The following GALNT9 variants were observed in gnomAD, a reference collection of about 807,000 sequenced individuals.
The protein encoded by GALNT9 is GalNAc transferase 9.
GALNT9 carries 47 observed loss-of-function variants against 63.1 expected under a neutral mutation model. That is an observed-to-expected ratio of 0.75 (90% CI 0.59 to 0.95). The LOEUF (loss-of-function observed/expected upper bound fraction) is 0.95, where lower values mean the gene tolerates loss of function less well. GALNT9 is among the 40% of genes least tolerant of loss of function. The pLI is 0.00. For missense variants in GALNT9, 829 were observed against 874.8 expected, an observed-to-expected ratio of 0.95 and a Z score of 0.66; for synonymous variants, 396 against 365.7, an observed-to-expected ratio of 1.08 and a Z score of -0.94.
intron 6 of GALNT9, among the ~76,000 whole-genome samples, chr12:132,209,455 C>T (rs984720228): frequency 2.6e-5 from 4 of 152,090 alleles, no homozygotes; most frequent in Admixed American, 6.5e-5. Flanking sequence ...GAGGCTGAGG[C>T]AGGAGAATTG....
chr12:132,328,581 G>A (rs1220412738), intron 1 of GALNT9, among the ~76,000 whole-genome samples: 1 of 152,144 alleles, frequency 6.6e-6, no homozygotes, highest in African/African-American at 2.4e-5. Flanking sequence ...AGGGGTCGGC[G>A]CAGCCTAAAC....
chr12:132,307,339 A>G (rs1881650658), intron 1 of GALNT9, among the ~76,000 whole-genome samples: 2 of 152,186 alleles, frequency 1.3e-5, no homozygotes, highest in African/African-American at 2.4e-5. Flanking sequence ...GGGTCTATCT[A>G]GATCTGTTCA....
Position 132,247,901 on chromosome 12 carries a change from C to T in GALNT9, c.1077+9G>A, listed in dbSNP as rs782439023. On this transcript the variant is annotated intron_variant, in intron 6 of 10. Coordinates refer to ENST00000328957, the MANE Select transcript of GALNT9 (RefSeq NM_001122636.2). ...TCACCCTGTCCCTGGACACCGGGGC[C>T]GCACTCACCCTCATGCCCAGTTCTA... is the stretch of plus-strand genomic sequence containing the variant. 4.5e-6 allele frequency: 7 copies of T among 1,551,148 alleles called. No homozygotes were observed. The highest frequency in any genetic ancestry group is 1.2e-5 in the South Asian group (1 of 84,064).
intron 2 of GALNT9, chr12:132,278,152 G>A (rs1880182686): frequency 6.6e-6 from 1 of 152,100 alleles, no homozygotes; most frequent in Non-Finnish European, 1.5e-5. Flanking sequence ...CCCGGGGGCT[G>A]GGAGTGGGTT....
At chr12:132,326,218 T>G (rs1158527751) in intron 1 of GALNT9, among the ~76,000 whole-genome samples, 3 of 152,258 alleles carry the variant, frequency 2.0e-5, no homozygotes, top group African/African-American at 7.2e-5. Flanking sequence ...GCTCTGAAAT[T>G]TAGCGTTTAT....
At chr12:132,263,273 C>T (rs1372579564) in intron 2 of GALNT9, among the ~76,000 whole-genome samples, 1 of 152,214 alleles carries the variant, frequency 6.6e-6, no homozygotes, top group African/African-American at 2.4e-5. Flanking sequence ...CTGTGGTGCT[C>T]AGCCAGGGAG....
At chr12:132,249,327 T>A (rs1375233110) in intron 5 of GALNT9, among the ~76,000 whole-genome samples, 2 of 152,182 alleles carry the variant, frequency 1.3e-5, no homozygotes, top group African/African-American at 4.8e-5. Context: ...AACGCGTTCT[T>A]CCATAAAAAC....
At chr12:132,293,506 G>A (rs1444031092) in intron 1 of GALNT9, among the ~76,000 whole-genome samples, 13 of 152,184 alleles carry the variant, frequency 8.5e-5, no homozygotes, top group Admixed American at 4.6e-4. Flanking sequence ...CATTTCCTGC[G>A]AGGCGTATCT....
intron 1 of GALNT9, among the ~76,000 whole-genome samples, chr12:132,293,688 G>A (rs1426887463): frequency 6.6e-6 from 1 of 152,070 alleles, no homozygotes; most frequent in Non-Finnish European, 1.5e-5. Flanking sequence ...GGGACCCCCT[G>A]CACATTCAGA....
intron 1 of GALNT9, among the ~76,000 whole-genome samples, chr12:132,301,237 A>C (rs1338890801): frequency 6.6e-6 from 1 of 152,250 alleles, no homozygotes; most frequent in Non-Finnish European, 1.5e-5. Context: ...GTATGGTGGC[A>C]GGCAAAGGCG....
intron 2 of GALNT9, among the ~76,000 whole-genome samples, chr12:132,264,645 T>G (rs1445376105): frequency 1.3e-5 from 2 of 152,222 alleles, no homozygotes; most frequent in Non-Finnish European, 2.9e-5. Context: ...CCACCTGTCT[T>G]CCCAGGACAC....
In GALNT9 at chr12:132,261,024, G is replaced by C. The variant is rs782407999; in HGVS notation, c.685C>G (p.Arg229Gly). 6.4e-7 allele frequency: 1 copy of C among 1,550,742 alleles called. No individual in the cohort carries two copies. The highest frequency in any genetic ancestry group is 2.4e-5 in the East Asian group (1 of 40,894). Residue 229 changes from arginine (R) to glycine (G), a missense_variant, in exon 4 of 11, where the codon CGG becomes GGG. Physicochemically the swap from Arg to Gly is moderately radical, Grantham distance 125. Transcript: ENST00000328957. The part of the protein sequence containing the change: ...NSRREGLIRA[R>G]LQGWKAATAP... ...GTGGCCGCCTTCCAGCCCTGCAGCC[G>C]CGCGCGGATCAGTCCTTCCCGCCGG...
chr12:132,266,464 T>G (rs1223170101), intron 2 of GALNT9, among the ~76,000 whole-genome samples: 1 of 152,204 alleles, frequency 6.6e-6, no homozygotes, highest in Non-Finnish European at 1.5e-5. Context: ...GACGGTGTCC[T>G]TAAAGAGAGG....
chr12:132,275,889 G>GGT (rs1555241149), intron 2 of GALNT9: 2 of 152,748 alleles, frequency 1.3e-5, no homozygotes, highest in Non-Finnish European at 2.9e-5. Flanking sequence ...TGTGTGCCCA[G>GGT]GTGTGTGTGT....
intron 6 of GALNT9, among the ~76,000 whole-genome samples, chr12:132,240,027 C>T (rs1395162912): frequency 3.3e-5 from 5 of 152,154 alleles, no homozygotes; most frequent in East Asian, 3.8e-4. Context: ...AACCCAGGCC[C>T]GCCGCTCTAA....
At chr12:132,325,050 T>C (rs192592979) in intron 1 of GALNT9, among the ~76,000 whole-genome samples, 69 of 152,044 alleles carry the variant, frequency 4.5e-4, no homozygotes, top group Admixed American at 3.3e-4. Context: ...CTTTATGAGA[T>C]GCCACCCCAC....
chr12:132,213,374 T>TCA (rs1001919547), intron 6 of GALNT9, among the ~76,000 whole-genome samples: 11 of 151,894 alleles, frequency 7.2e-5, no homozygotes, highest in African/African-American at 2.2e-4. Context: ...ATCAATTTCT[T>TCA]CACACACACA....
chr12:132,219,865 A>T lies in GALNT9; in HGVS notation c.1078-16175T>A, dbSNP rs11247018. Among the ~76,000 whole-genome samples the T allele has an allele frequency of 8.1e-3, 126 of 15,572 alleles. 1 individual carries two copies. The highest frequency in any genetic ancestry group is 0.037 in the African/African-American group (91 of 2,486). 10.2% of individuals were successfully genotyped at this position (15,572 alleles called of 152,430 possible). On this transcript the variant is annotated intron_variant, in intron 6 of 10. Coordinates refer to ENST00000328957, the MANE Select transcript of GALNT9 (RefSeq NM_001122636.2). ...CTCCCCAGGGTGACACCCGCCCGGG[A>T]AAGGGGAAGGGGTACCTCCCCAGGG...
chr12:132,204,996 G>A (rs983708823), intron 6 of GALNT9, among the ~76,000 whole-genome samples: 39 of 152,082 alleles, frequency 2.6e-4, no homozygotes, highest in African/African-American at 6.0e-4. Flanking sequence ...TTCCCTCCGC[G>A]GTGCTGAGAA....
Sources: gnomAD v4.1 joint callset for allele counts (sites outside exome capture counted in the v4.1 genomes callset) on GRCh38, gnomAD v4.1.1 for gene constraint, MANE v1.5 for transcripts, NCBI Gene and HGNC (gene_info 2026-07-23, HGNC 2026-07-21) for gene names.